Variants in ZNF181 observed in about 807,000 individuals in gnomAD.
ZNF181 encodes the protein zinc finger protein 181, also known as zinc finger protein 181 (HHZ181).
A neutral mutation model predicts 11.9 loss-of-function variants in ZNF181; 8 were observed. The ratio of observed to expected loss-of-function variants is 0.67; its 90% CI spans 0.39 to 1.21. The LOEUF is 1.21. Among genes scored for constraint, ZNF181 ranks in the 50% most tolerant of loss-of-function variants. The pLI is 0.01. For missense variants in ZNF181, 542 were observed against 670.9 expected, an observed-to-expected ratio of 0.81 and a Z score of 2.12; for synonymous variants, 202 against 221.1, an observed-to-expected ratio of 0.91 and a Z score of 0.77.
chr19:34,740,897 A>G lies in ZNF181; in HGVS notation c.516A>G (p.Glu172=). ...TTCATTCAAAGTCTACTCTTTCTGA[A>G]CCACAAAAAATTTCTGCTGAAGGGA... The part of the protein sequence containing the change: ...STFHSKSTLS[E]PQKISAEGNS... The change falls in exon 4 of 4, where the codon GAA becomes GAG. Residue 172 remains glutamate (E), a synonymous_variant. Coordinates refer to ENST00000492450, the MANE Select transcript of ZNF181 (RefSeq NM_001029997.4). The G allele has an allele frequency of 6.2e-7, 1 of 1,614,032 alleles. No homozygotes were observed. The highest frequency in any genetic ancestry group is 8.5e-7 in the Non-Finnish European group (1 of 1,179,974).
At chr19:34,738,729 T>C (rs2068924501) in intron 1 of ZNF181, among the ~76,000 whole-genome samples, 1 of 152,024 alleles carries the variant, frequency 6.6e-6, no homozygotes. Context: ...TCATCCTGAG[T>C]ATCCCATTTG....
In ZNF181 at chr19:34,738,475, G is replaced by A. The variant is rs992811049; in HGVS notation, c.10-673G>A. On this transcript the variant is annotated intron_variant, in intron 1 of 3. Transcript: ENST00000492450. ...AGCGGCGATTAAGTTCAATACACGC[G>A]TTTTGGGGGTCACAATCAAACCATA... Among the ~76,000 whole-genome samples, 9 of 151,972 alleles carry A rather than the reference G, an allele frequency of 5.9e-5. No homozygotes were observed. The South Asian group carries it at 6.2e-4, about 10-fold the overall frequency.
rs765661178 is a variant in ZNF181, at chr19:34,741,179, A to G, written c.798A>G (p.Glu266=). 1.2e-6 allele frequency: 2 copies of G among 1,614,104 alleles called. No homozygotes were observed. The highest frequency in any genetic ancestry group is 4.5e-5 in the East Asian group (2 of 44,878). The change falls in exon 4 of 4, where the codon GAA becomes GAG. Residue 266 remains glutamate (E), a synonymous_variant. Coordinates refer to ENST00000492450, the MANE Select transcript of ZNF181 (RefSeq NM_001029997.4). ...WRIHTGEKPY[E]CRECGKTFSH... ...TTCATACAGGAGAGAAGCCCTATGA[A>G]TGTCGTGAATGTGGGAAGACTTTTA... is the stretch of plus-strand genomic sequence containing the variant.
rs2068867596 is a variant in ZNF181, at chr19:34,735,051, G to A, written c.9+5G>A. The A allele has an allele frequency of 1.3e-6, 2 of 1,573,378 alleles. No individual in the cohort carries two copies. The highest frequency in any genetic ancestry group is 8.6e-7 in the Non-Finnish European group (1 of 1,158,928). On this transcript the variant is annotated splice_donor_5th_base_variant and intron_variant, in intron 1 of 3. Transcript: ENST00000492450. ...AATTGCAGAGTAATGCCTCAGGTAG[G>A]TCGGTGTGTCCGCAAATCTTCCTGA...
rs1362992860 is a variant in ZNF181, at chr19:34,739,182, A to AT, written c.45dup (p.Glu16Ter). On this transcript the variant is annotated frameshift_variant, in exon 2 of 4. Coordinates refer to ENST00000492450, the MANE Select transcript of ZNF181 (RefSeq NM_001029997.4). LOFTEE classifies it high-confidence loss of function. Reference sequence around the variant, plus strand: ...AATGATGTGGCTATAGACTTCACTCATGAAGAGTGGGGATGGCTCAGTTCT... The same window carrying AT: ...AATGATGTGGCTATAGACTTCACTCATTGAAGAGTGGGGATGGCTCAGTTCT... 1.1e-5 allele frequency: 17 copies of AT among 1,613,660 alleles called. No homozygotes were observed. Among genetic ancestry groups the AT allele is most frequent in the Non-Finnish European group, 1.4e-5 (17 of 1,179,736 alleles).
At position 34,739,268 on chromosome 19, in the gene ZNF181, G is replaced by C. The variant is rs747691487; in HGVS notation, c.130G>C (p.Ala44Pro). ...VQNYENLVSV[A>P]GLSVTKPYVI... is the part of the protein sequence containing the mutation. Reference sequence around the variant, plus strand: ...GAATTATGAGAACCTGGTCTCTGTAGGTAAGGATATTACCCCTTCCACTCC... The same window carrying C: ...GAATTATGAGAACCTGGTCTCTGTACGTAAGGATATTACCCCTTCCACTCC... The change falls in exon 2 of 4, where the codon GCA becomes CCA. Residue 44 changes from alanine to proline, a missense_variant and splice_region_variant. Ala to Pro is a conservative substitution (Grantham distance 27). Coordinates refer to ENST00000492450, the MANE Select transcript of ZNF181 (RefSeq NM_001029997.4). 1 of 1,613,684 alleles carries C rather than the reference G, an allele frequency of 6.2e-7. No individual in the cohort carries two copies. The highest frequency in any genetic ancestry group is 8.5e-7 in the Non-Finnish European group (1 of 1,179,668).
Position 34,742,725 on chromosome 19 carries a change from T to A in ZNF181, c.*628T>A, listed in dbSNP as rs2068998525. 6.6e-6 allele frequency: 1 copy of A among 152,244 alleles called. No individual in the cohort carries two copies. The highest frequency in any genetic ancestry group is 2.1e-4 in the South Asian group (1 of 4,836). 9.4% of individuals were successfully genotyped at this position (152,244 alleles called of 1,614,324 possible). A position where few individuals can be genotyped will look rare whatever the true frequency, so the allele number is the denominator to read the frequency against. Reference sequence around the variant, plus strand: ...GTTTCAGTTGAGTTCTACTTAGAAATTCTTTTTAGCTAGTGGGCATGTGAA... The same window carrying A: ...GTTTCAGTTGAGTTCTACTTAGAAAATCTTTTTAGCTAGTGGGCATGTGAA... On this transcript the variant is annotated 3_prime_UTR_variant, in exon 4 of 4. Transcript: ENST00000492450.
intron 2 of ZNF181, 35 bp downstream of exon 2, chr19:34,739,303 C>T (rs770822620): frequency 6.2e-7 from 1 of 1,608,812 alleles, no homozygotes; most frequent in Non-Finnish European, 8.5e-7. Context: ...CAGTAGGGGA[C>T]ACCTTTCTTT....
rs2068866323 is a variant in ZNF181 at position 34,734,980 on chromosome 19, A to G, written c.-58A>G. ...CTTCTGTGCCCTCAGGACACTGCCC[A>G]TCTCTAAGATAAGAGCCTGGAAAGA... On this transcript the variant is annotated 5_prime_UTR_variant, in exon 1 of 4. Coordinates refer to ENST00000492450, the MANE Select transcript of ZNF181 (RefSeq NM_001029997.4). 12 of 1,557,468 alleles carry G rather than the reference A, an allele frequency of 7.7e-6. No homozygotes were observed. Among genetic ancestry groups the G allele is most frequent in the Non-Finnish European group, 7.8e-6 (9 of 1,148,400 alleles).
chr19:34,737,039 T>C (rs896016585), intron 1 of ZNF181, among the ~76,000 whole-genome samples: 1 of 152,256 alleles, frequency 6.6e-6, no homozygotes, highest in Non-Finnish European at 1.5e-5. Context: ...TGTAGCAAAT[T>C]GAACTGTAAG....
In ZNF181 at chr19:34,736,113, C is replaced by G. The variant is rs549651646; in HGVS notation, c.9+1067C>G. On this transcript the variant is annotated intron_variant, in intron 1 of 3. Transcript: ENST00000492450. ...AGGGTTACCTGGCACCAAATAGATG[C>G]TTAGTAAGTAATTGTGGAGTGAATA... is the stretch of plus-strand genomic sequence containing the variant. The G allele has an allele frequency of 9.2e-5, 65 of 702,912 alleles. No individual in the cohort carries two copies. The African/African-American group carries it at 1.1e-3, about 12-fold the overall frequency. 43.5% of individuals were successfully genotyped at this position (702,912 alleles called of 1,614,324 possible). A position where few individuals can be genotyped will look rare whatever the true frequency, so the allele number is the denominator to read the frequency against.
chr19:34,742,138 T>C lies in ZNF181; in HGVS notation c.*41T>C. The C allele has an allele frequency of 5.3e-6, 8 of 1,502,540 alleles. No homozygotes were observed. The highest frequency in any genetic ancestry group is 7.1e-6 in the Non-Finnish European group (8 of 1,127,236). The allele number at this position is 1,502,540 out of a possible 1,614,324, so 93.1% of individuals were successfully genotyped here. A position where few individuals can be genotyped will look rare whatever the true frequency, so the allele number is the denominator to read the frequency against. On this transcript the variant is annotated 3_prime_UTR_variant, in exon 4 of 4. Transcript: ENST00000492450. ...GGTAAATTTCCTAGATTCTCCCTTA[T>C]TTAACATTAGAAAAATTTATACTGG...
chr19:34,739,017 CACATTCCCA>C, intron 1 of ZNF181, 122 bp from the exon 2 acceptor site: 1 of 1,344,772 alleles, frequency 7.4e-7, no homozygotes, highest in Non-Finnish European at 1.0e-6. Context: ...TAACTGAGAT[CACATTCCCA>C]ATCATTGCCA....
At position 34,744,014 on chromosome 19, in the gene ZNF181, G is replaced by A. The variant is rs185819980; in HGVS notation, c.*1917G>A. On this transcript the variant is annotated 3_prime_UTR_variant, in exon 4 of 4. Coordinates refer to ENST00000492450, the MANE Select transcript of ZNF181 (RefSeq NM_001029997.4). The stretch of plus-strand genomic sequence containing the variant: ...TGTATGGACACTGATGCAAGTGAAG[G>A]GGTGTGATATGGATTATGCTTCAGA... 1.8e-3 allele frequency: 279 copies of A among 152,334 alleles called. 1 individual carries two copies. Among genetic ancestry groups the A allele is most frequent in the African/African-American group, 6.5e-3 (271 of 41,570 alleles). The allele number at this position is 152,334 out of a possible 1,614,324, so 9.4% of individuals were successfully genotyped here.
chr19:34,736,972 G>A (rs1037730035), intron 1 of ZNF181, among the ~76,000 whole-genome samples: 9 of 152,030 alleles, frequency 5.9e-5, no homozygotes, highest in Non-Finnish European at 1.3e-4. Context: ...TGGGATAAAG[G>A]GAATTAACTA....
At chr19:34,738,185 C>A (rs1039957525) in intron 1 of ZNF181, among the ~76,000 whole-genome samples, 2 of 152,140 alleles carry the variant, frequency 1.3e-5, no homozygotes, top group African/African-American at 4.8e-5. Context: ...TAACAGAATA[C>A]CACAGACTGA....
At chr19:34,736,051 T>C (rs1401979573) in intron 1 of ZNF181, 3 of 694,560 alleles carry the variant, frequency 4.3e-6, no homozygotes, top group Non-Finnish European at 5.2e-6. Flanking sequence ...AGGAATCTTT[T>C]TTCTTTTTTG....
At position 34,735,024 on chromosome 19, in the gene ZNF181, G is replaced by A. The variant is rs778363521; in HGVS notation, c.-14G>A. ...GGAAAGAGGACTCTGTTGGCTGTTG[G>A]AAATTGCAGAGTAATGCCTCAGGTA... On this transcript the variant is annotated 5_prime_UTR_variant, in exon 1 of 4. It introduces an in-frame stop codon into an upstream open reading frame of the 5' UTR. Transcript: ENST00000492450. The A allele has an allele frequency of 7.0e-6, 11 of 1,577,768 alleles. No individual in the cohort carries two copies. The highest frequency in any genetic ancestry group is 1.3e-5 in the African/African-American group (1 of 74,192).
chr19:34,738,617 T>C (rs1233124668), intron 1 of ZNF181, among the ~76,000 whole-genome samples: 1 of 151,636 alleles, frequency 6.6e-6, no homozygotes, highest in African/African-American at 2.4e-5. Context: ...AACCTCCGCC[T>C]CTTGGGTTCA....
Sources: allele counts gnomAD v4.1 joint callset (sites outside exome capture counted in the v4.1 genomes callset), GRCh38; gene constraint gnomAD v4.1.1; transcripts MANE v1.5; gene names NCBI Gene and HGNC (gene_info 2026-07-23, HGNC 2026-07-21).